HTR4: variants seen among roughly 807,000 people sequenced by gnomAD.
The protein encoded by HTR4 is 5-hydroxytryptamine receptor 4, also known as 5-hydroxytryptamine (serotonin) receptor 4, G protein-coupled.
In HTR4, 16 loss-of-function variants were observed where a neutral mutation model predicts 36.8. The ratio of observed to expected loss-of-function variants is 0.43; its 90% CI spans 0.29 to 0.66. The LOEUF (loss-of-function observed/expected upper bound fraction) is 0.66, where lower values mean the gene tolerates loss of function less well. Ranked by LOEUF, HTR4 falls within the 30% of genes least tolerant of loss-of-function variation. The pLI is 0.13. For missense variants in HTR4, 438 were observed against 490.9 expected, an observed-to-expected ratio of 0.89 and a Z score of 1.02; for synonymous variants, 189 against 185.1, an observed-to-expected ratio of 1.02 and a Z score of -0.17.
intron 4 of HTR4, among the ~76,000 whole-genome samples, chr5:148,531,218 A>G (rs1178985556): frequency 6.6e-6 from 1 of 152,088 alleles, no homozygotes; most frequent in Admixed American, 6.6e-5. Flanking sequence ...GAGAAGCCAG[A>G]GGTGGAAGGA....
At chr5:148,588,420 G>T (rs531135752) in intron 2 of HTR4, among the ~76,000 whole-genome samples, 1 of 152,206 alleles carries the variant, frequency 6.6e-6, no homozygotes, top group Admixed American at 6.5e-5. Flanking sequence ...CTTGGGGAAT[G>T]GAGAAGAACC....
chr5:148,476,958 C>T (rs557057868), downstream of HTR4, among the ~76,000 whole-genome samples: 43 of 152,196 alleles, frequency 2.8e-4, no homozygotes, highest in African/African-American at 9.2e-4. Flanking sequence ...GTGGAAAGAA[C>T]GGCAGGAGTA....
chr5:148,609,553 T>G (rs1267108803), intron 2 of HTR4, among the ~76,000 whole-genome samples: 4 of 151,844 alleles, frequency 2.6e-5, no homozygotes. Context: ...TTTTGTATAA[T>G]GTGCTTGTGT....
chr5:148,563,555 C>T (rs192679478), intron 2 of HTR4, among the ~76,000 whole-genome samples: 1 of 152,268 alleles, frequency 6.6e-6, no homozygotes, highest in Non-Finnish European at 1.5e-5. Flanking sequence ...TTTACAGTAC[C>T]TAGCACATAG....
chr5:148,622,063 C>A (rs1581558947), intron 2 of HTR4, among the ~76,000 whole-genome samples: 1 of 152,106 alleles, frequency 6.6e-6, no homozygotes, highest in Non-Finnish European at 1.5e-5. Flanking sequence ...TTTCTGACTG[C>A]CTCTTGTAAT....
chr5:148,650,785 G>A (rs35935239), intron 1 of HTR4, among the ~76,000 whole-genome samples: 3,340 of 152,248 alleles, frequency 0.022, 56 homozygotes, highest in Non-Finnish European at 0.035. Flanking sequence ...CAGAGAGGGG[G>A]CAAAGTCATA....
At chr5:148,576,110 C>CAAAAAAAAAAAAAAAAAAAAAA (rs781780161) in intron 2 of HTR4, among the ~76,000 whole-genome samples, 1 of 32,712 alleles carries the variant, frequency 3.1e-5, no homozygotes, top group African/African-American at 1.3e-4. Context: ...GACTCCGTCT[C>CAAAAAAAAAAAAAAAAAAAAAA]AAAAAAAAAA....
At chr5:148,479,204 TGACA>T (rs1228908953), downstream of HTR4, among the ~76,000 whole-genome samples, 1 of 152,068 alleles carries the variant, frequency 6.6e-6, no homozygotes, top group African/African-American at 2.4e-5. Flanking sequence ...TTGATGAAGG[TGACA>T]GACAGGCAGA....
chr5:148,504,260 C>A (rs1757076765), intron 6 of HTR4, among the ~76,000 whole-genome samples: 1 of 152,182 alleles, frequency 6.6e-6, no homozygotes. Flanking sequence ...CACTCTTCAG[C>A]AAACGTAAAA....
intron 4 of HTR4, among the ~76,000 whole-genome samples, chr5:148,537,872 C>T (rs1758908077): frequency 6.6e-6 from 1 of 152,074 alleles, no homozygotes; most frequent in African/African-American, 2.4e-5. Flanking sequence ...GACTCCTCCC[C>T]AACCCATCGT....
chr5:148,623,013 G>C (rs75810753), intron 2 of HTR4, among the ~76,000 whole-genome samples: 1 of 152,286 alleles, frequency 6.6e-6, no homozygotes, highest in African/African-American at 2.4e-5. Flanking sequence ...TGAGGAAAAA[G>C]AAGGGGTAGA....
At chr5:148,536,306 T>A (rs1267987165) in intron 4 of HTR4, among the ~76,000 whole-genome samples, 2 of 151,906 alleles carry the variant, frequency 1.3e-5, no homozygotes, top group African/African-American at 4.8e-5. Context: ...AGACCAATGA[T>A]ATATAAAGCA....
chr5:148,527,282 G>A (rs907189020), intron 4 of HTR4, among the ~76,000 whole-genome samples: 2 of 152,204 alleles, frequency 1.3e-5, no homozygotes, highest in Non-Finnish European at 2.9e-5. Flanking sequence ...AAATGGATGT[G>A]GATGTTTAGA....
At chr5:148,611,520 G>A (rs977701943) in intron 2 of HTR4, among the ~76,000 whole-genome samples, 5 of 133,282 alleles carry the variant, frequency 3.8e-5, no homozygotes, top group Admixed American at 3.0e-4. Context: ...AAGAGCTCCT[G>A]AAGGAAGCGC....
downstream of HTR4, among the ~76,000 whole-genome samples, chr5:148,478,313 A>G (rs1755765121): frequency 6.6e-6 from 1 of 152,184 alleles, no homozygotes; most frequent in Non-Finnish European, 1.5e-5. Flanking sequence ...AAATCAAGAA[A>G]GAGGACATTC....
chr5:148,511,017 C>T (rs1425290380), intron 5 of HTR4, among the ~76,000 whole-genome samples: 1 of 152,198 alleles, frequency 6.6e-6, no homozygotes. Context: ...TCCTCCCAGT[C>T]TCTCCTGAAC....
At chr5:148,518,886 G>A (rs138288775) in intron 5 of HTR4, among the ~76,000 whole-genome samples, 3 of 152,216 alleles carry the variant, frequency 2.0e-5, no homozygotes, top group African/African-American at 7.2e-5. Flanking sequence ...ATTAAGGAAG[G>A]TGAATGTCAT....
At chr5:148,554,078 G>C (rs920742400) in intron 2 of HTR4, among the ~76,000 whole-genome samples, 1 of 152,130 alleles carries the variant, frequency 6.6e-6, no homozygotes, top group Non-Finnish European at 1.5e-5. Flanking sequence ...TGTTGTTGTT[G>C]TTGTTGTTGT....
chr5:148,525,511 G>T (rs962187199), intron 4 of HTR4, among the ~76,000 whole-genome samples: 1 of 152,094 alleles, frequency 6.6e-6, no homozygotes, highest in African/African-American at 2.4e-5. Flanking sequence ...TAGCCTAGGG[G>T]TGACCCGATC....
Sources: allele counts gnomAD v4.1 joint callset (sites outside exome capture counted in the v4.1 genomes callset), GRCh38; gene constraint gnomAD v4.1.1; transcripts MANE v1.5; gene names NCBI Gene and HGNC (gene_info 2026-07-23, HGNC 2026-07-21).